The following B4GALT1 variants were observed in gnomAD, a reference collection of about 807,000 sequenced individuals.
The protein encoded by B4GALT1 is beta-1,4-galactosyltransferase 1.
B4GALT1 carries 16 observed loss-of-function variants against 34.9 expected under a neutral mutation model. That is an observed-to-expected ratio of 0.46 (90% CI 0.31 to 0.70). B4GALT1 has a LOEUF of 0.70. B4GALT1 is among the 30% of genes least tolerant of loss of function. The probability of loss-of-function intolerance (pLI) is 0.05; values close to 1 mark genes in which losing one functional copy is unlikely to be tolerated. For synonymous variants in B4GALT1, 221 were observed against 218.1 expected, an observed-to-expected ratio of 1.01 and a Z score of -0.12; for missense variants, 445 against 530.5, an observed-to-expected ratio of 0.84 and a Z score of 1.58.
At chr9:33,105,359 G>T (rs188316187) in intron 2 of B4GALT1, among the ~76,000 whole-genome samples, 1 of 151,514 alleles carries the variant, frequency 6.6e-6, no homozygotes, top group Non-Finnish European at 1.5e-5. Context: ...GGCTGGTCTC[G>T]AGAACTCCCA....
At chr9:33,175,020 T>TATA in the B4GALT1 span, among the ~76,000 whole-genome samples, 1 of 39,064 alleles carries the variant, frequency 2.6e-5, no homozygotes, top group Non-Finnish European at 5.6e-5. Context: ...TATATATATA[T>TATA]AAAATTGGAG....
downstream of B4GALT1, among the ~76,000 whole-genome samples, chr9:33,105,880 GTTTTTTTT>G (rs35330697): frequency 3.5e-5 from 3 of 85,730 alleles, no homozygotes; most frequent in Non-Finnish European, 4.3e-5. Context: ...GGACTCGTGG[GTTTTTTTT>G]TTTTTTTTTT....
At chr9:33,108,181 C>T (rs374712318), downstream of B4GALT1, among the ~76,000 whole-genome samples, 10 of 152,256 alleles carry the variant, frequency 6.6e-5, 1 homozygote, top group East Asian at 9.6e-4. Flanking sequence ...ATCTTCATAA[C>T]AGCCCTATGA....
rs1358070594 is a variant in B4GALT1 at position 33,159,996 on chromosome 9, C to T, written c.412+6762G>A. ...GCCTATCCTGCAGCCTGGCCCTTTG[C>T]CCCTGCCCCCAGGCACTTCCTGGAC... On this transcript the variant is annotated intron_variant, in intron 1 of 5. Transcript: ENST00000379731. 5.9e-5 allele frequency among the ~76,000 whole-genome samples: 9 copies of T among 152,336 alleles called. No homozygotes were observed. In the East Asian group the frequency reaches 1.2e-3, roughly 20 times the overall value.
chr9:33,112,364 G>C lies in B4GALT1; in HGVS notation c.*1090C>G, dbSNP rs1241728288. 14 of 152,404 alleles carry C rather than the reference G, an allele frequency of 9.2e-5. No individual in the cohort carries two copies. The East Asian group carries it at 2.7e-3, about 29-fold the overall frequency. The allele number at this position is 152,404 out of a possible 1,614,324, so 9.4% of individuals were successfully genotyped here. A position where few individuals can be genotyped will look rare whatever the true frequency, so the allele number is the denominator to read the frequency against. ...TTGGGGAAGTGGAGAGTTCTGCACAGTAGGTGCAGAGGCTTCTGTCTCCCA... is the reference window on the plus strand; with the variant it reads ...TTGGGGAAGTGGAGAGTTCTGCACACTAGGTGCAGAGGCTTCTGTCTCCCA... On this transcript the variant is annotated 3_prime_UTR_variant, in exon 6 of 6. Transcript: ENST00000379731.
chr9:33,118,940 C>A (rs1839981266), intron 3 of B4GALT1, among the ~76,000 whole-genome samples: 1 of 152,054 alleles, frequency 6.6e-6, no homozygotes, highest in Non-Finnish European at 1.5e-5. Context: ...CAACTCACTG[C>A]AACCTCTGCC....
At chr9:33,138,806 A>AT in intron 1 of B4GALT1, among the ~76,000 whole-genome samples, 1 of 152,228 alleles carries the variant, frequency 6.6e-6, no homozygotes, top group Non-Finnish European at 1.5e-5. Context: ...ATTCTCATGC[A>AT]ACCCCACCAC....
At chr9:33,107,290 TAAG>T (rs562834859), downstream of B4GALT1, among the ~76,000 whole-genome samples, 22 of 152,292 alleles carry the variant, frequency 1.4e-4, no homozygotes, top group South Asian at 4.4e-3. Flanking sequence ...GTTCCAGTTC[TAAG>T]AAGAAACCAG....
At chr9:33,126,170 T>C (rs1840092760) in intron 2 of B4GALT1, among the ~76,000 whole-genome samples, 2 of 152,178 alleles carry the variant, frequency 1.3e-5, no homozygotes, top group Non-Finnish European at 2.9e-5. Flanking sequence ...AAACACCCTC[T>C]GTATGCTTTT....
intron 1 of B4GALT1, among the ~76,000 whole-genome samples, chr9:33,140,174 C>T (rs566949154): frequency 1.3e-5 from 2 of 152,354 alleles, no homozygotes; most frequent in African/African-American, 4.8e-5. Flanking sequence ...GGTTTTCATG[C>T]TGGCTGAAGC....
At chr9:33,184,287 C>CACACAAAA in the B4GALT1 span, among the ~76,000 whole-genome samples, 5 of 142,786 alleles carry the variant, frequency 3.5e-5, no homozygotes, top group Non-Finnish European at 4.7e-5. Flanking sequence ...CACACACACA[C>CACACAAAA]AAAAACATAG....
intron 2 of B4GALT1, among the ~76,000 whole-genome samples, chr9:33,123,277 CAAAAAA>C (rs72342632): frequency 2.3e-5 from 2 of 85,708 alleles, no homozygotes; most frequent in Non-Finnish European, 4.1e-5. Context: ...GACACTGTCT[CAAAAAA>C]AAAAAAAAAA....
At chr9:33,166,103 G>A (rs1383734417) in intron 1 of B4GALT1, among the ~76,000 whole-genome samples, 3 of 152,184 alleles carry the variant, frequency 2.0e-5, no homozygotes, top group African/African-American at 7.2e-5. Flanking sequence ...TCCACACAGA[G>A]GAAGAAATGA....
At chr9:33,123,854 G>A (rs983738917) in intron 2 of B4GALT1, among the ~76,000 whole-genome samples, 9 of 152,198 alleles carry the variant, frequency 5.9e-5, no homozygotes, top group Admixed American at 3.3e-4. Context: ...CCCTTTCACC[G>A]CCCGGGGTGC....
intron 1 of B4GALT1, among the ~76,000 whole-genome samples, chr9:33,140,593 G>A (rs1346662784): frequency 6.6e-6 from 1 of 152,198 alleles, no homozygotes; most frequent in Non-Finnish European, 1.5e-5. Context: ...AAACATTTGG[G>A]AACACGTGGA....
chr9:33,130,754 T>A (rs569528925), intron 2 of B4GALT1, among the ~76,000 whole-genome samples: 10 of 151,940 alleles, frequency 6.6e-5, no homozygotes, highest in African/African-American at 2.4e-4. Flanking sequence ...GCCACCTGGC[T>A]CACTCCACTA....
At chr9:33,177,084 A>T in the B4GALT1 span, among the ~76,000 whole-genome samples, 1 of 152,152 alleles carries the variant, frequency 6.6e-6, no homozygotes, top group Admixed American at 6.5e-5. Flanking sequence ...TAGTTTCTCA[A>T]AATTTTGCTT....
chr9:33,148,384 G>A (rs1398062548), intron 1 of B4GALT1, among the ~76,000 whole-genome samples: 1 of 152,200 alleles, frequency 6.6e-6, no homozygotes. Flanking sequence ...GTCATGCTCT[G>A]CTGGTGGAAA....
intron 1 of B4GALT1, among the ~76,000 whole-genome samples, chr9:33,163,486 G>A (rs1210451476): frequency 6.6e-6 from 1 of 152,142 alleles, no homozygotes; most frequent in Non-Finnish European, 1.5e-5. Flanking sequence ...ACCCCCCTGA[G>A]GGGACTGTAC....
Sources: allele counts gnomAD v4.1 joint callset (sites outside exome capture counted in the v4.1 genomes callset), GRCh38; gene constraint gnomAD v4.1.1; transcripts MANE v1.5; gene names NCBI Gene and HGNC (gene_info 2026-07-23, HGNC 2026-07-21).